The following SIK3 variants were observed in gnomAD, a reference collection of about 807,000 sequenced individuals.
SIK3 encodes serine/threonine-protein kinase SIK3.
Under a neutral mutation model 144.2 loss-of-function variants are expected in SIK3, and 28 were observed. The ratio of observed to expected loss-of-function variants is 0.19; its 90% CI spans 0.14 to 0.27. The LOEUF (loss-of-function observed/expected upper bound fraction) is 0.27. Ranked by LOEUF, SIK3 falls within the 10% of genes least tolerant of loss-of-function variation. The probability of loss-of-function intolerance (pLI) is 1.00; values close to 1 mark genes in which losing one functional copy is unlikely to be tolerated. For missense variants in SIK3, 1,319 were observed against 1,776.0 expected, an observed-to-expected ratio of 0.74 and a Z score of 4.62; for synonymous variants, 686 against 676.3, an observed-to-expected ratio of 1.01 and a Z score of -0.22.
intron 1 of SIK3, among the ~76,000 whole-genome samples, chr11:117,070,488 C>T (rs1954216162): frequency 6.6e-6 from 1 of 151,948 alleles, no homozygotes; most frequent in Non-Finnish European, 1.5e-5. Context: ...CTCTTGTCGC[C>T]CAGGCTGGAG....
chr11:117,007,739 T>A (rs1261096242), intron 1 of SIK3, among the ~76,000 whole-genome samples: 1 of 152,204 alleles, frequency 6.6e-6, no homozygotes, highest in Admixed American at 6.5e-5. Flanking sequence ...CTGTAAGAGT[T>A]CAGAATATGA....
rs1396244646 is a variant in SIK3, at chr11:117,023,593, CAAACAAACAAACAAACAA to C, written c.274-66547_274-66530del. Reference sequence around the variant, plus strand: ...GCTAATATTCTTAAAAACAAACAAACAAACAAACAAACAAACAAAAAAAAAAAAATATATATATATATA... The same window carrying C: ...GCTAATATTCTTAAAAACAAACAAACAAAAAAAAAAATATATATATATATA... On this transcript the variant is annotated intron_variant, in intron 1 of 24. Coordinates refer to ENST00000445177, the MANE Select transcript of SIK3 (RefSeq NM_001366686.3). Among the ~76,000 whole-genome samples, 56 of 50,136 alleles carry C rather than the reference CAAACAAACAAACAAACAA, an allele frequency of 1.1e-3. 1 individual carries two copies. The highest frequency in any genetic ancestry group is 0.016 in the Middle Eastern group (2 of 128). 32.9% of individuals were successfully genotyped at this position (50,136 alleles called of 152,430 possible).
At chr11:117,074,993 G>C (rs2136018376) in intron 1 of SIK3, among the ~76,000 whole-genome samples, 1 of 151,816 alleles carries the variant, frequency 6.6e-6, no homozygotes, top group African/African-American at 2.4e-5. Context: ...CCTTTCATTG[G>C]AATACCACGT....
rs538719691 is a variant in SIK3, at chr11:117,044,118, T to C, written c.273+54025A>G. On this transcript the variant is annotated intron_variant, in intron 1 of 24. Coordinates refer to ENST00000445177, the MANE Select transcript of SIK3 (RefSeq NM_001366686.3). ...AAAACTATTCTATTTCTTGAATCTTTTCAAAGGAAACAAATTTATCATTTC... is the reference window on the plus strand; with the variant it reads ...AAAACTATTCTATTTCTTGAATCTTCTCAAAGGAAACAAATTTATCATTTC... Among the ~76,000 whole-genome samples the C allele has an allele frequency of 3.9e-5, 6 of 152,386 alleles. No homozygotes were observed. In the South Asian group the frequency reaches 1.2e-3, roughly 32 times the overall value.
At chr11:116,950,149 A>G (rs1365351002) in intron 3 of SIK3, 2 of 470,828 alleles carry the variant, frequency 4.2e-6, no homozygotes, top group African/African-American at 2.0e-5. Context: ...AAGTTCCACA[A>G]GTGGGGGCTG....
intron 4 of SIK3, among the ~76,000 whole-genome samples, chr11:116,925,616 T>C (rs759819024): frequency 2.0e-5 from 3 of 152,242 alleles, no homozygotes; most frequent in Non-Finnish European, 2.9e-5. Context: ...TAATTTGTTA[T>C]AGTAATAATA....
At chr11:117,083,042 A>C (rs1467070291) in intron 1 of SIK3, among the ~76,000 whole-genome samples, 2 of 152,224 alleles carry the variant, frequency 1.3e-5, no homozygotes, top group East Asian at 3.8e-4. Context: ...TAATGCAACT[A>C]AATTTTGGTT....
intron 1 of SIK3, among the ~76,000 whole-genome samples, chr11:117,066,468 T>C (rs186565640): frequency 8.0e-5 from 12 of 150,656 alleles, no homozygotes; most frequent in African/African-American, 2.4e-4. Context: ...AAAGCATTTA[T>C]ATAACACAGG....
At chr11:116,864,609 G>C (rs1188749051) in intron 15 of SIK3, 1 of 152,216 alleles carries the variant, frequency 6.6e-6, no homozygotes, top group Non-Finnish European at 1.5e-5. Context: ...AGACAGCATC[G>C]GGGTTAGAAG....
chr11:116,957,898 T>C (rs1328821093), intron 1 of SIK3, among the ~76,000 whole-genome samples: 1 of 152,200 alleles, frequency 6.6e-6, no homozygotes, highest in Non-Finnish European at 1.5e-5. Context: ...TCATAAAACA[T>C]ATCTTTCCAA....
chr11:116,955,343 A>G (rs1034631297), intron 2 of SIK3, among the ~76,000 whole-genome samples: 3 of 152,244 alleles, frequency 2.0e-5, no homozygotes, highest in Admixed American at 6.5e-5. Context: ...GGCTGCAGTG[A>G]GCAGAGATCA....
At position 116,964,335 on chromosome 11, in the gene SIK3, G is replaced by A. The variant is rs138898120; in HGVS notation, c.274-7271C>T. On this transcript the variant is annotated intron_variant, in intron 1 of 24. Transcript: ENST00000445177. ...TTAATTGAAGTCTATATTTCAGCTT[G>A]AAACAATTAGTCAAATCAAGTACTA... Among the ~76,000 whole-genome samples the A allele has an allele frequency of 4.2e-3, 632 of 152,190 alleles. 2 individuals carry two copies. The highest frequency in any genetic ancestry group is 0.015 in the African/African-American group (612 of 41,502).
chr11:116,987,048 A>T (rs1950347480), intron 1 of SIK3, among the ~76,000 whole-genome samples: 1 of 152,182 alleles, frequency 6.6e-6, no homozygotes, highest in Non-Finnish European at 1.5e-5. Context: ...TGATTGCACA[A>T]CTATACAAGT....
chr11:117,011,102 A>G (rs1951233259), intron 1 of SIK3, among the ~76,000 whole-genome samples: 1 of 152,228 alleles, frequency 6.6e-6, no homozygotes, highest in Non-Finnish European at 1.5e-5. Flanking sequence ...CCTGGGGGAC[A>G]GCGTGAGACC....
At chr11:117,049,075 T>C (rs1591608330) in intron 1 of SIK3, among the ~76,000 whole-genome samples, 3 of 152,164 alleles carry the variant, frequency 2.0e-5, no homozygotes, top group African/African-American at 7.2e-5. Flanking sequence ...CACTCCAACC[T>C]GGGTTGTCAC....
At chr11:117,027,855 G>A (rs575772838) in intron 1 of SIK3, among the ~76,000 whole-genome samples, 3 of 152,210 alleles carry the variant, frequency 2.0e-5, no homozygotes, top group Admixed American at 1.3e-4. Context: ...TAAAGCAATG[G>A]GTCAACAATG....
At chr11:116,957,149 G>A (rs751757733) in intron 1 of SIK3, 85 bp from the exon 2 acceptor site, 30 of 624,464 alleles carry the variant, frequency 4.8e-5, no homozygotes, top group Non-Finnish European at 7.0e-5. Context: ...AAAACATTAC[G>A]TTCCATAAAA....
chr11:117,006,634 T>C (rs557216943), intron 1 of SIK3, among the ~76,000 whole-genome samples: 1 of 151,290 alleles, frequency 6.6e-6, no homozygotes, highest in East Asian at 1.9e-4. Flanking sequence ...CCTATCTCTG[T>C]GTTTAAAAAA....
chr11:116,861,916 C>T lies in SIK3; in HGVS notation c.2240G>A (p.Cys747Tyr). 1 of 1,608,644 alleles carries T rather than the reference C, an allele frequency of 6.2e-7. No individual in the cohort carries two copies. Among genetic ancestry groups the T allele is most frequent in the Non-Finnish European group, 8.5e-7 (1 of 1,177,582 alleles). Residue 747 changes from cysteine (C) to tyrosine (Y), a missense_variant, in exon 18 of 25, where the codon TGT becomes TAT. Physicochemically the swap from Cys to Tyr is radical, Grantham distance 194. This residue lies in a region of SIK3 where 77 missense variants were observed against 141.9 expected (regional missense o/e 0.54). Transcript: ENST00000445177. ...ILQQQIQDSI[C>Y]PPQPSPPLQA... ...AAGAGGTGGAGATGGCTGAGGAGGA[C>T]AGATAGAGTCCTAAAACATATATGG...
Sources: allele counts gnomAD v4.1 joint callset (sites outside exome capture counted in the v4.1 genomes callset), GRCh38; gene constraint gnomAD v4.1.1; regional missense constraint gnomAD v4.1.1; transcripts MANE v1.5; gene names NCBI Gene and HGNC (gene_info 2026-07-23, HGNC 2026-07-21).